Variants in GRHL2 observed in about 807,000 individuals in gnomAD.
GRHL2 encodes the protein grainyhead like transcription factor 2, also known as grainyhead-like protein 2 homolog.
GRHL2 carries 21 observed loss-of-function variants against 83.8 expected under a neutral mutation model. The observed-to-expected ratio is 0.25, with a 90% CI of 0.18 to 0.36. The LOEUF (loss-of-function observed/expected upper bound fraction) is 0.36, where lower values mean the gene tolerates loss of function less well. GRHL2 is among the 10% of genes least tolerant of loss of function. GRHL2 has a pLI of 1.00. For synonymous variants in GRHL2, 280 were observed against 278.9 expected (o/e 1.00, Z -0.04); for missense variants, 623 against 781.8 (o/e 0.80, Z 2.42).
intron 9 of GRHL2, among the ~76,000 whole-genome samples, chr8:101,628,973 G>A (rs923882374): frequency 6.6e-6 from 1 of 152,156 alleles, no homozygotes; most frequent in African/African-American, 2.4e-5. Context: ...AAGAGGCTGT[G>A]AACATTGTTG....
rs527930137 is a variant in GRHL2, at chr8:101,626,902, C to T, written c.1258-4735C>T. On this transcript the variant is annotated intron_variant, in intron 9 of 15. Transcript: ENST00000646743. ...TTTAATGGAATGTATCGAAGCTTCC[C>T]GGGGTCACTGTGAAGTCAAAAACTT... 6.6e-5 allele frequency among the ~76,000 whole-genome samples: 10 copies of T among 152,060 alleles called. 1 individual carries two copies. The highest frequency in any genetic ancestry group is 6.2e-4 in the South Asian group (3 of 4,816).
chr8:101,624,167 C>G (rs532803991), intron 9 of GRHL2, among the ~76,000 whole-genome samples: 1 of 137,458 alleles, frequency 7.3e-6, no homozygotes, highest in East Asian at 2.2e-4. Flanking sequence ...CACAGTAGGA[C>G]AGTTCACAGT....
chr8:101,529,935 T>C (rs1810888750), intron 1 of GRHL2, among the ~76,000 whole-genome samples: 1 of 152,164 alleles, frequency 6.6e-6, no homozygotes, highest in African/African-American at 2.4e-5. Context: ...TAAGCTCATG[T>C]TTTTTGTCTG....
At chr8:101,616,498 C>A (rs1443418291) in intron 8 of GRHL2, among the ~76,000 whole-genome samples, 1 of 152,134 alleles carries the variant, frequency 6.6e-6, no homozygotes, top group African/African-American at 2.4e-5. Flanking sequence ...TAGTCTTTGT[C>A]ACTCAGTTCC....
At chr8:101,619,742 G>A (rs781199646) in intron 9 of GRHL2, 45 bp downstream of exon 9, 4 of 1,439,908 alleles carry the variant, frequency 2.8e-6, no homozygotes, top group Admixed American at 1.7e-5. Flanking sequence ...TTTTTTATTA[G>A]ATATTACTTT....
chr8:101,544,846 G>C (rs1415316558), intron 2 of GRHL2, among the ~76,000 whole-genome samples: 1 of 152,058 alleles, frequency 6.6e-6, no homozygotes, highest in African/African-American at 2.4e-5. Flanking sequence ...ACTTCCAGCA[G>C]CCTCCACTTT....
chr8:101,680,960 C>T, the GRHL2 span, among the ~76,000 whole-genome samples: 1 of 119,474 alleles, frequency 8.4e-6, no homozygotes, highest in African/African-American at 3.5e-5. Context: ...ACTAAATGCC[C>T]ACAAGAGAAA....
chr8:101,494,835 A>G (rs1273450431), intron 1 of GRHL2, among the ~76,000 whole-genome samples: 1 of 152,236 alleles, frequency 6.6e-6, no homozygotes, highest in Non-Finnish European at 1.5e-5. Flanking sequence ...TTTACAGGTG[A>G]TAAGTATCTG....
At position 101,578,039 on chromosome 8, in the gene GRHL2, C is replaced by T. The variant is rs113238932; in HGVS notation, c.1003+520C>T. 1.0e-3 allele frequency among the ~76,000 whole-genome samples: 152 copies of T among 152,274 alleles called. 1 individual carries two copies. Among genetic ancestry groups the T allele is most frequent in the African/African-American group, 3.5e-3 (147 of 41,556 alleles). ...CCATTTAAAGAAGGAGTGAATCTGC[C>T]AGGAGTCTGTGTACCCCTAAACTTG... On this transcript the variant is annotated intron_variant, in intron 7 of 15. Transcript: ENST00000646743.
chr8:101,590,341 T>C (rs1812253829), intron 7 of GRHL2, among the ~76,000 whole-genome samples: 1 of 152,172 alleles, frequency 6.6e-6, no homozygotes, highest in Non-Finnish European at 1.5e-5. Flanking sequence ...AGAATCTACT[T>C]GGACTAGGGT....
At chr8:101,653,809 A>G (rs1347098999) in intron 14 of GRHL2, among the ~76,000 whole-genome samples, 1 of 152,140 alleles carries the variant, frequency 6.6e-6, no homozygotes, top group Non-Finnish European at 1.5e-5. Flanking sequence ...ATCAGATTCT[A>G]TAGGGGTAGG....
chr8:101,605,102 T>G (rs1307690568), intron 8 of GRHL2, among the ~76,000 whole-genome samples: 1 of 152,158 alleles, frequency 6.6e-6, no homozygotes, highest in Non-Finnish European at 1.5e-5. Context: ...AGACAGGAAG[T>G]TGTTGCAGTT....
chr8:101,543,540 C>G (rs1460745290), intron 2 of GRHL2, 104 bp downstream of exon 2: 1 of 1,051,058 alleles, frequency 9.5e-7, no homozygotes, highest in Non-Finnish European at 1.5e-6. Flanking sequence ...GAACTAATAG[C>G]ATTTCCAAAG....
At chr8:101,632,917 G>T (rs1310648512) in intron 11 of GRHL2, among the ~76,000 whole-genome samples, 1 of 152,186 alleles carries the variant, frequency 6.6e-6, no homozygotes, top group African/African-American at 2.4e-5. Flanking sequence ...TGAAACGAAA[G>T]ATCTCAAACT....
chr8:101,551,484 G>C (rs1811378477), intron 2 of GRHL2, among the ~76,000 whole-genome samples: 1 of 152,108 alleles, frequency 6.6e-6, no homozygotes. Context: ...AGTCAGGTAA[G>C]TGGAAATCAC....
rs35874053 is a variant in GRHL2, at chr8:101,595,766, G to GA, written c.1004-3281dup. On this transcript the variant is annotated intron_variant, in intron 7 of 15. Transcript: ENST00000646743. ...TCAGTAAGGAAACTGAATACCCTAAGAAAAAAAAAATGGGCAAAGGACAGA... is the reference window on the plus strand; with the variant it reads ...TCAGTAAGGAAACTGAATACCCTAAGAAAAAAAAAAATGGGCAAAGGACAGA... Among the ~76,000 whole-genome samples, 597 of 149,754 alleles carry GA rather than the reference G, an allele frequency of 4.0e-3. 2 individuals carry two copies. The highest frequency in any genetic ancestry group is 0.013 in the African/African-American group (537 of 40,368).
Position 101,558,288 on chromosome 8 carries a change from A to G in GRHL2, c.285-131A>G, listed in dbSNP as rs772049759. On this transcript the variant is annotated intron_variant, in intron 3 of 15. Coordinates refer to ENST00000646743, the MANE Select transcript of GRHL2 (RefSeq NM_024915.4). ...AGGATCCCATTGCGTTTCGTTGTGA[A>G]GTTTGCCAGCCCCCTGTCCCTTAAT... The G allele has an allele frequency of 3.5e-4, 371 of 1,064,438 alleles. 1 individual carries two copies. The highest frequency in any genetic ancestry group is 6.0e-4 in the Middle Eastern group (2 of 3,310). The allele number at this position is 1,064,438 out of a possible 1,614,324, so 65.9% of individuals were successfully genotyped here. A position where few individuals can be genotyped will look rare whatever the true frequency, so the allele number is the denominator to read the frequency against.
intron 1 of GRHL2, among the ~76,000 whole-genome samples, chr8:101,533,274 A>G (rs555974870): frequency 6.6e-6 from 1 of 152,368 alleles, no homozygotes; most frequent in South Asian, 2.1e-4. Flanking sequence ...ATAGCACTTT[A>G]TAGCTCAAAA....
intron 8 of GRHL2, among the ~76,000 whole-genome samples, chr8:101,602,512 A>G (rs1322482662): frequency 6.6e-6 from 1 of 152,218 alleles, no homozygotes; most frequent in Non-Finnish European, 1.5e-5. Context: ...CACAGAATGC[A>G]TATATGTATG....
Sources: allele counts gnomAD v4.1 joint callset (sites outside exome capture counted in the v4.1 genomes callset), GRCh38; gene constraint gnomAD v4.1.1; transcripts MANE v1.5; gene names NCBI Gene and HGNC (gene_info 2026-07-23, HGNC 2026-07-21).